NRG3: variants seen among roughly 807,000 people sequenced by gnomAD.
NRG3 encodes the protein pro-neuregulin-3, membrane-bound isoform.
NRG3 carries 31 observed loss-of-function variants against 66.9 expected under a neutral mutation model. The observed-to-expected ratio is 0.46, with a 90% CI of 0.35 to 0.63. NRG3 has a LOEUF of 0.63. Among genes scored for constraint, NRG3 ranks in the 20% least tolerant of loss-of-function variants. The pLI, the probability that NRG3 is intolerant of heterozygous loss-of-function variation, is 0.00. For synonymous variants in NRG3, 393 were observed against 359.4 expected, an observed-to-expected ratio of 1.09 and a Z score of -1.06; for missense variants, 910 against 878.9, an observed-to-expected ratio of 1.04 and a Z score of -0.45.
At chr10:82,392,938 C>G (rs985809735) in intron 2 of NRG3, among the ~76,000 whole-genome samples, 5 of 150,436 alleles carry the variant, frequency 3.3e-5, no homozygotes, top group Non-Finnish European at 7.4e-5. Flanking sequence ...ACAGTTATGG[C>G]CATTTTCTTA....
At chr10:82,948,368 C>T (rs536115006) in intron 4 of NRG3, among the ~76,000 whole-genome samples, 2 of 152,158 alleles carry the variant, frequency 1.3e-5, no homozygotes, top group Admixed American at 1.3e-4. Context: ...CAACTTTGTT[C>T]TCTTGGCTAC....
At chr10:82,304,077 G>C (rs1017499982) in intron 1 of NRG3, among the ~76,000 whole-genome samples, 1 of 152,056 alleles carries the variant, frequency 6.6e-6, no homozygotes, top group Non-Finnish European at 1.5e-5. Flanking sequence ...ATTTTTATTA[G>C]ATAGTGCCAA....
chr10:82,833,581 AC>A (rs1358642532), intron 3 of NRG3, among the ~76,000 whole-genome samples: 2 of 152,134 alleles, frequency 1.3e-5, no homozygotes, highest in Admixed American at 6.6e-5. Context: ...CCTTCTGCAT[AC>A]CAGCATCTGC....
At chr10:82,222,511 G>T (rs1183792777) in intron 1 of NRG3, among the ~76,000 whole-genome samples, 2 of 152,256 alleles carry the variant, frequency 1.3e-5, no homozygotes, top group African/African-American at 4.8e-5. Flanking sequence ...CTGGGTTTCT[G>T]CTCTTGAGAC....
At chr10:82,002,726 A>G (rs182664217) in intron 1 of NRG3, among the ~76,000 whole-genome samples, 2 of 152,176 alleles carry the variant, frequency 1.3e-5, no homozygotes, top group Admixed American at 6.5e-5. Context: ...CTGTCATACA[A>G]ATTCCTGCTT....
intron 1 of NRG3, among the ~76,000 whole-genome samples, chr10:82,000,868 G>T (rs913896158): frequency 1.3e-5 from 2 of 152,026 alleles, no homozygotes; most frequent in Admixed American, 6.6e-5. Flanking sequence ...TTTTTCAGTG[G>T]TCTTGCCAGA....
chr10:82,405,454 G>GTTTTT (rs779040062), intron 2 of NRG3, among the ~76,000 whole-genome samples: 13,680 of 138,996 alleles, frequency 0.098, 1,132 homozygotes, highest in African/African-American at 0.14. Context: ...GATCTCAGTA[G>GTTTTT]TTTGTTTTTT....
chr10:81,944,164 A>G (rs1848639975), intron 1 of NRG3, among the ~76,000 whole-genome samples: 2 of 152,244 alleles, frequency 1.3e-5, no homozygotes, highest in African/African-American at 4.8e-5. Flanking sequence ...CAGTCACTCA[A>G]ATGGCAAGTA....
At chr10:82,502,644 G>A (rs1034267283) in intron 2 of NRG3, among the ~76,000 whole-genome samples, 3 of 152,140 alleles carry the variant, frequency 2.0e-5, no homozygotes, top group Admixed American at 6.6e-5. Flanking sequence ...TACTTTTTAA[G>A]TGAGTGACTT....
chr10:82,971,667 C>T (rs571833950), intron 6 of NRG3, among the ~76,000 whole-genome samples: 1 of 152,054 alleles, frequency 6.6e-6, no homozygotes, highest in South Asian at 2.1e-4. Flanking sequence ...AAACTTCTGA[C>T]CTCAGGTGAT....
chr10:82,509,299 G>T (rs949683006), intron 2 of NRG3, among the ~76,000 whole-genome samples: 9 of 152,086 alleles, frequency 5.9e-5, no homozygotes, highest in African/African-American at 2.2e-4. Context: ...TGTTGTAGGG[G>T]TTTGTTATAC....
chr10:82,223,716 C>T (rs1056229186), intron 1 of NRG3, among the ~76,000 whole-genome samples: 13 of 151,484 alleles, frequency 8.6e-5, no homozygotes, highest in Non-Finnish European at 1.3e-4. Flanking sequence ...GGATGCCCCA[C>T]TAACATATAC....
chr10:82,069,150 A>G (rs1291136281), intron 1 of NRG3, among the ~76,000 whole-genome samples: 24 of 152,172 alleles, frequency 1.6e-4, no homozygotes, highest in Admixed American at 1.3e-3. Flanking sequence ...ATGTCATTAA[A>G]TAGCAGCTTA....
intron 2 of NRG3, among the ~76,000 whole-genome samples, chr10:82,408,652 C>CT (rs1564889210): frequency 2.1e-5 from 3 of 144,844 alleles, no homozygotes; most frequent in Admixed American, 1.4e-4. Flanking sequence ...TATATATATT[C>CT]TTATTTATTT....
chr10:82,909,627 C>T (rs993783920), intron 4 of NRG3, among the ~76,000 whole-genome samples: 2 of 152,306 alleles, frequency 1.3e-5, no homozygotes, highest in Middle Eastern at 6.8e-3. Flanking sequence ...ACCAGAAGCA[C>T]CAGCAGTAGG....
intron 1 of NRG3, among the ~76,000 whole-genome samples, chr10:82,159,100 G>A (rs2071391008): frequency 6.6e-6 from 1 of 151,826 alleles, no homozygotes; most frequent in Non-Finnish European, 1.5e-5. Context: ...TGAAAATAAT[G>A]ATTTGATTTA....
At chr10:82,112,322 A>T (rs1051198563) in intron 1 of NRG3, among the ~76,000 whole-genome samples, 65 of 152,226 alleles carry the variant, frequency 4.3e-4, no homozygotes, top group African/African-American at 1.4e-3. Flanking sequence ...ATGAGAAGAA[A>T]CCTGGTAGAC....
chr10:82,400,301 C>G (rs899748357), intron 2 of NRG3, among the ~76,000 whole-genome samples: 1 of 152,126 alleles, frequency 6.6e-6, no homozygotes, highest in African/African-American at 2.4e-5. Flanking sequence ...ATCCTCTCAG[C>G]ATCCCTGGGT....
chr10:82,622,028 A>C (rs1414165963), intron 2 of NRG3, among the ~76,000 whole-genome samples: 5 of 152,178 alleles, frequency 3.3e-5, no homozygotes, highest in African/African-American at 1.2e-4. Flanking sequence ...TGGGTCAGGG[A>C]ATGGCCAAAA....
Sources: gnomAD v4.1 joint callset for allele counts (sites outside exome capture counted in the v4.1 genomes callset) on GRCh38, gnomAD v4.1.1 for gene constraint, MANE v1.5 for transcripts, NCBI Gene and HGNC (gene_info 2026-07-23, HGNC 2026-07-21) for gene names.